Variants in FHL2 observed in about 807,000 individuals in gnomAD.
FHL2 encodes four and a half LIM domains protein 2.
A neutral mutation model predicts 32.7 loss-of-function variants in FHL2; 20 were observed. The ratio of observed to expected loss-of-function variants is 0.61; its 90% CI spans 0.43 to 0.89. The LOEUF is 0.89. Ranked by LOEUF, FHL2 falls within the 40% of genes least tolerant of loss-of-function variation. The pLI, the probability that FHL2 is intolerant of heterozygous loss-of-function variation, is 0.00. For synonymous variants in FHL2, 123 were observed against 128.1 expected (o/e 0.96, Z 0.27); for missense variants, 311 against 358.6 (o/e 0.87, Z 1.07).
Position 105,396,690 on chromosome 2 carries a change from C to T in FHL2, c.-68G>A, listed in dbSNP as rs34179780. 0.2 allele frequency: 324,347 copies of T among 1,611,318 alleles called. 35,084 individuals carry two copies. Among genetic ancestry groups the T allele is most frequent in the South Asian group, 0.23 (20,847 of 90,908 alleles). Reference sequence around the variant, plus strand: ...GCCTAGTCTCCAGGAAGACACAGTTCTCAGCCACTAGAGAAAGCACACGTG... The same window carrying T: ...GCCTAGTCTCCAGGAAGACACAGTTTTCAGCCACTAGAGAAAGCACACGTG... On this transcript the variant is annotated 5_prime_UTR_variant, in exon 2 of 7. Transcript: ENST00000530340.
Position 105,378,086 on chromosome 2 carries a change from C to A in FHL2, c.157-4353G>T, listed in dbSNP as rs776202446. The A allele has an allele frequency of 1.7e-5, 8 of 470,282 alleles. 1 individual carries two copies. The highest frequency in any genetic ancestry group is 1.2e-4 in the South Asian group (8 of 64,464). 29.1% of individuals were successfully genotyped at this position (470,282 alleles called of 1,614,324 possible). A position where few individuals can be genotyped will look rare whatever the true frequency, so the allele number is the denominator to read the frequency against. ...ACAGCCAGTGCTCCGGTCATTAAGTCCCCAGATGGAGGAAAGAGCACATCA... is the reference window on the plus strand; with the variant it reads ...ACAGCCAGTGCTCCGGTCATTAAGTACCCAGATGGAGGAAAGAGCACATCA... On this transcript the variant is annotated intron_variant, in intron 3 of 6. Transcript: ENST00000530340.
At chr2:105,365,147 C>T (rs938519151) in intron 5 of FHL2, among the ~76,000 whole-genome samples, 5 of 152,152 alleles carry the variant, frequency 3.3e-5, no homozygotes, top group African/African-American at 1.2e-4. Flanking sequence ...GAGACTCCTT[C>T]CCTCAACACC....
intron 1 of FHL2, among the ~76,000 whole-genome samples, chr2:105,405,392 C>G (rs901464695): frequency 4.6e-5 from 7 of 152,114 alleles, no homozygotes; most frequent in Non-Finnish European, 8.8e-5. Flanking sequence ...AGTCTCATGC[C>G]TCACTTGTTC....
intron 2 of FHL2, among the ~76,000 whole-genome samples, chr2:105,395,917 C>T (rs1683092795): frequency 6.6e-6 from 1 of 152,146 alleles, no homozygotes; most frequent in Non-Finnish European, 1.5e-5. Context: ...CCAGGCAAGA[C>T]ACCACCCACG....
intron 1 of FHL2, among the ~76,000 whole-genome samples, chr2:105,405,485 A>G (rs541174276): frequency 2.2e-4 from 34 of 152,314 alleles, no homozygotes; most frequent in African/African-American, 6.0e-4. Flanking sequence ...ATCTCCGCTC[A>G]CTGTAAACTC....
At chr2:105,372,287 G>A (rs969253217) in intron 4 of FHL2, among the ~76,000 whole-genome samples, 7 of 151,974 alleles carry the variant, frequency 4.6e-5, no homozygotes, top group East Asian at 1.9e-4. Flanking sequence ...GTGCAGTGGC[G>A]TGATCTCAGC....
At chr2:105,397,881 G>GTTTTTTTTT (rs749684273) in intron 1 of FHL2, among the ~76,000 whole-genome samples, 8 of 116,296 alleles carry the variant, frequency 6.9e-5, no homozygotes, top group African/African-American at 2.5e-4. Flanking sequence ...TTGTTTTTTT[G>GTTTTTTTTT]TTTTTTGTTT....
intron 1 of FHL2, among the ~76,000 whole-genome samples, chr2:105,433,629 C>G (rs1441524731): frequency 6.6e-6 from 1 of 152,074 alleles, no homozygotes; most frequent in Non-Finnish European, 1.5e-5. Flanking sequence ...AGTGCCTCGG[C>G]GTCCTCACCT....
At chr2:105,399,282 C>A (rs765913296), upstream of FHL2, 40 of 1,535,700 alleles carry the variant, frequency 2.6e-5, no homozygotes, top group South Asian at 3.9e-4. Context: ...CAGTAGTTAT[C>A]GGGAGCGTCG....
chr2:105,431,362 CAA>C (rs1192208124), intron 1 of FHL2, among the ~76,000 whole-genome samples: 1 of 152,146 alleles, frequency 6.6e-6, no homozygotes, highest in Non-Finnish European at 1.5e-5. Flanking sequence ...TGTGAGATAG[CAA>C]GTGAACCAGG....
chr2:105,384,797 A>G (rs925808082), intron 3 of FHL2, among the ~76,000 whole-genome samples: 1 of 152,164 alleles, frequency 6.6e-6, no homozygotes, highest in Non-Finnish European at 1.5e-5. Flanking sequence ...CTTTGAGCCT[A>G]TGCCCCTGGC....
chr2:105,432,120 G>A (rs188904300), intron 1 of FHL2, among the ~76,000 whole-genome samples: 58 of 152,332 alleles, frequency 3.8e-4, no homozygotes, highest in African/African-American at 1.3e-3. Flanking sequence ...TGCCTGCAGA[G>A]ATTTTCCTTC....
chr2:105,420,073 C>T (rs1684053240), intron 1 of FHL2, among the ~76,000 whole-genome samples: 1 of 152,180 alleles, frequency 6.6e-6, no homozygotes, highest in Admixed American at 6.5e-5. Flanking sequence ...TTGTGTTAGT[C>T]TGCCAGGGCT....
At chr2:105,426,690 C>A (rs1276689229) in intron 1 of FHL2, among the ~76,000 whole-genome samples, 1 of 152,186 alleles carries the variant, frequency 6.6e-6, no homozygotes, top group African/African-American at 2.4e-5. Flanking sequence ...GGCACTCAGG[C>A]GGAGATATTT....
At chr2:105,386,105 T>C in intron 3 of FHL2, 1 of 454,878 alleles carries the variant, frequency 2.2e-6, no homozygotes, top group Non-Finnish European at 3.9e-6. Flanking sequence ...AGGGCACTAA[T>C]TGCTAGAATA....
Position 105,429,979 on chromosome 2 carries a change from C to T in FHL2, c.-25+8420G>A, listed in dbSNP as rs73948410. 4.8e-3 allele frequency among the ~76,000 whole-genome samples: 734 copies of T among 152,278 alleles called. 11 individuals are homozygous for T. The highest frequency in any genetic ancestry group is 0.016 in the African/African-American group (677 of 41,544). On this transcript the variant is annotated intron_variant, in intron 1 of 5. Transcript: ENST00000393352. ...ACTGTTATTATTCCCATTTTACAGACGTGGTTCTGGGAAGTTAAAATCTTG... is the reference window on the plus strand; with the variant it reads ...ACTGTTATTATTCCCATTTTACAGATGTGGTTCTGGGAAGTTAAAATCTTG...
In FHL2 at chr2:105,387,578, C is replaced by T. The variant is rs529236207; in HGVS notation, c.-24-1038G>A. Among the ~76,000 whole-genome samples, 8 of 152,316 alleles carry T rather than the reference C, an allele frequency of 5.3e-5. No individual in the cohort carries two copies. In the South Asian group the frequency reaches 1.7e-3, roughly 32 times the overall value. On this transcript the variant is annotated intron_variant, in intron 2 of 6. Coordinates refer to ENST00000530340, the MANE Select transcript of FHL2 (RefSeq NM_001318895.3). ...TGGCTGCAGTCAGTGGCTCTCTGGG[C>T]AACACCTCAAGCCCTTCCAACAGGA...
chr2:105,381,628 A>G (rs1681892275), intron 3 of FHL2, among the ~76,000 whole-genome samples: 1 of 152,084 alleles, frequency 6.6e-6, no homozygotes, highest in Non-Finnish European at 1.5e-5. Context: ...ATCCATCCAG[A>G]CAGCTTTGCT....
At chr2:105,363,160 T>G in intron 6 of FHL2, 125 bp downstream of exon 6, 1 of 841,912 alleles carries the variant, frequency 1.2e-6, no homozygotes, top group Non-Finnish European at 1.9e-6. Flanking sequence ...CAGAAAAGTC[T>G]GCTGTGTTCA....
Sources: allele counts gnomAD v4.1 joint callset (sites outside exome capture counted in the v4.1 genomes callset), GRCh38; gene constraint gnomAD v4.1.1; transcripts MANE v1.5; gene names NCBI Gene and HGNC (gene_info 2026-07-23, HGNC 2026-07-21).